The following FRMD6 variants were observed in gnomAD, a reference collection of about 807,000 sequenced individuals.
FRMD6 encodes FERM domain containing 6, also known as FERM domain-containing protein 6.
Under a neutral mutation model 73.2 loss-of-function variants are expected in FRMD6, and 37 were observed. That is an observed-to-expected ratio of 0.51 (90% confidence interval 0.39 to 0.66). The LOEUF (loss-of-function observed/expected upper bound fraction) is 0.66. Among genes scored for constraint, FRMD6 ranks in the 30% least tolerant of loss-of-function variants. The pLI is 0.00. For missense variants in FRMD6, 714 were observed against 780.5 expected, an observed-to-expected ratio of 0.91 and a Z score of 1.02; for synonymous variants, 273 against 282.2, an observed-to-expected ratio of 0.97 and a Z score of 0.33.
chr14:51,531,664 C>G (rs1162336393), intron 1 of FRMD6, among the ~76,000 whole-genome samples: 1 of 152,218 alleles, frequency 6.6e-6, no homozygotes, highest in African/African-American at 2.4e-5. Context: ...AAATATTCTT[C>G]CCGTACTCAA....
At chr14:51,430,111 A>C in the FRMD6 span, among the ~76,000 whole-genome samples, 1 of 152,352 alleles carries the variant, frequency 6.6e-6, no homozygotes, top group South Asian at 2.1e-4. Flanking sequence ...TTTGTGTTCC[A>C]TGTGATTATG....
chr14:51,572,296 C>G (rs1379842591), intron 2 of FRMD6, among the ~76,000 whole-genome samples: 2 of 152,240 alleles, frequency 1.3e-5, no homozygotes, highest in Non-Finnish European at 2.9e-5. Flanking sequence ...TGATTTATTT[C>G]CCTTACCTCT....
the FRMD6 span, among the ~76,000 whole-genome samples, chr14:51,430,431 A>G: frequency 2.6e-5 from 4 of 152,304 alleles, no homozygotes; most frequent in South Asian, 8.3e-4. Context: ...ACTGCTGTTA[A>G]CAATACACCT....
intron 1 of FRMD6, among the ~76,000 whole-genome samples, chr14:51,668,858 G>A (rs1027904691): frequency 4.3e-4 from 64 of 148,368 alleles, no homozygotes; most frequent in African/African-American, 1.4e-3. Context: ...TAGCAGAGAC[G>A]GGGTTTCACC....
chr14:51,625,193 TGAA>T (rs1891070634), intron 2 of FRMD6, among the ~76,000 whole-genome samples: 1 of 152,220 alleles, frequency 6.6e-6, no homozygotes, highest in African/African-American at 2.4e-5. Flanking sequence ...ATCTCCATTT[TGAA>T]TACTTGGCAT....
At chr14:51,702,194 G>A (rs550381760) in intron 4 of FRMD6, among the ~76,000 whole-genome samples, 2 of 152,120 alleles carry the variant, frequency 1.3e-5, no homozygotes, top group East Asian at 1.9e-4. Flanking sequence ...AGAGCTGAGC[G>A]AGGAGCTGGG....
At chr14:51,596,890 G>C (rs1223876270) in intron 2 of FRMD6, among the ~76,000 whole-genome samples, 1 of 152,196 alleles carries the variant, frequency 6.6e-6, no homozygotes, top group Non-Finnish European at 1.5e-5. Flanking sequence ...GCATGTATAC[G>C]TGGGGTCCTC....
In FRMD6 at chr14:51,695,387, C is replaced by A. The variant is rs140756452; in HGVS notation, c.100-2755C>A. On this transcript the variant is annotated intron_variant, in intron 2 of 13. Coordinates refer to ENST00000344768, the MANE Select transcript of FRMD6 (RefSeq NM_001267046.2). Reference sequence around the variant, plus strand: ...CTTTTAAAGTGAGTGTTGGAAATGACATAGGACTTCTATAGGACAGAAATC... The same window carrying A: ...CTTTTAAAGTGAGTGTTGGAAATGAAATAGGACTTCTATAGGACAGAAATC... 8.6e-3 allele frequency among the ~76,000 whole-genome samples: 1,306 copies of A among 152,214 alleles called. 10 individuals are homozygous for A. The highest frequency in any genetic ancestry group is 9.9e-3 in the Non-Finnish European group (675 of 68,006).
intron 1 of FRMD6, among the ~76,000 whole-genome samples, chr14:51,537,602 C>A (rs565962380): frequency 6.6e-6 from 1 of 152,324 alleles, no homozygotes; most frequent in African/African-American, 2.4e-5. Context: ...TCCAAAGTGG[C>A]TATCCTATTT....
At chr14:51,598,336 T>A (rs992373508) in intron 2 of FRMD6, among the ~76,000 whole-genome samples, 1 of 151,996 alleles carries the variant, frequency 6.6e-6, no homozygotes, top group Non-Finnish European at 1.5e-5. Flanking sequence ...ATGAAGGGAG[T>A]TGTCAGGGTA....
chr14:51,413,214 G>A, the FRMD6 span, among the ~76,000 whole-genome samples: 6 of 152,002 alleles, frequency 3.9e-5, no homozygotes, highest in East Asian at 1.9e-4. Context: ...CAACGTGCAG[G>A]TTTGTTACAT....
the FRMD6 span, among the ~76,000 whole-genome samples, chr14:51,478,841 C>A: frequency 1.3e-5 from 2 of 152,120 alleles, no homozygotes; most frequent in South Asian, 4.1e-4. Flanking sequence ...GTCTTTGCCT[C>A]CTTTGCATTG....
At chr14:51,547,660 T>C (rs527388326) in intron 1 of FRMD6, 3 of 152,350 alleles carry the variant, frequency 2.0e-5, no homozygotes, top group South Asian at 2.1e-4. Flanking sequence ...TTCTTTCTTA[T>C]AATATCCCAC....
At chr14:51,531,277 T>C (rs536949421) in intron 1 of FRMD6, among the ~76,000 whole-genome samples, 1 of 152,366 alleles carries the variant, frequency 6.6e-6, no homozygotes, top group East Asian at 1.9e-4. Flanking sequence ...TTGATAATGA[T>C]GTGCTTAGAA....
At chr14:51,646,135 A>G (rs1164306460) in intron 2 of FRMD6, among the ~76,000 whole-genome samples, 7 of 151,724 alleles carry the variant, frequency 4.6e-5, no homozygotes, top group African/African-American at 1.7e-4. Context: ...TGGCTAACAC[A>G]GCGAAACCCC....
chr14:51,612,584 A>G (rs1890556657), intron 2 of FRMD6, among the ~76,000 whole-genome samples: 1 of 152,218 alleles, frequency 6.6e-6, no homozygotes, highest in Non-Finnish European at 1.5e-5. Context: ...GCCTACTTCA[A>G]AGGTCATTAT....
At chr14:51,443,720 G>A in the FRMD6 span, among the ~76,000 whole-genome samples, 1 of 152,048 alleles carries the variant, frequency 6.6e-6, no homozygotes, top group Non-Finnish European at 1.5e-5. Context: ...AAGAGAAATC[G>A]TACAAAAGAT....
intron 1 of FRMD6, among the ~76,000 whole-genome samples, chr14:51,500,192 G>A (rs1596499264): frequency 6.6e-6 from 1 of 152,306 alleles, no homozygotes; most frequent in Non-Finnish European, 1.5e-5. Flanking sequence ...GATGATGGGG[G>A]AAATGTTAGA....
the FRMD6 span, among the ~76,000 whole-genome samples, chr14:51,427,374 G>A: frequency 6.6e-6 from 1 of 152,342 alleles, no homozygotes; most frequent in South Asian, 2.1e-4. Context: ...CCAAAAGAAA[G>A]AGGTACAATT....
Sources: allele counts gnomAD v4.1 joint callset (sites outside exome capture counted in the v4.1 genomes callset), GRCh38; gene constraint gnomAD v4.1.1; transcripts MANE v1.5; gene names NCBI Gene and HGNC (gene_info 2026-07-23, HGNC 2026-07-21).